Variants in B4GALT5 observed in about 807,000 individuals in gnomAD.
The protein encoded by B4GALT5 is beta-1,4-galactosyltransferase 5.
In B4GALT5, 11 loss-of-function variants were observed where a neutral mutation model predicts 45.0. That is an observed-to-expected ratio of 0.24 (90% confidence interval 0.15 to 0.40). The LOEUF (loss-of-function observed/expected upper bound fraction) is 0.40, where lower values mean the gene tolerates loss of function less well. B4GALT5 is among the 10% of genes least tolerant of loss of function. B4GALT5 has a pLI of 1.00. For missense variants in B4GALT5, 337 were observed against 500.2 expected, an observed-to-expected ratio of 0.67 and a Z score of 3.11; for synonymous variants, 185 against 182.9, an observed-to-expected ratio of 1.01 and a Z score of -0.09.
chr20:49,664,779 T>C (rs1408480982), intron 1 of B4GALT5, among the ~76,000 whole-genome samples: 1 of 152,214 alleles, frequency 6.6e-6, no homozygotes, highest in African/African-American at 2.4e-5. Flanking sequence ...TTTCGCATCA[T>C]GATGTCTACA....
chr20:49,689,787 C>T (rs1896291018), intron 1 of B4GALT5, among the ~76,000 whole-genome samples: 1 of 152,148 alleles, frequency 6.6e-6, no homozygotes, highest in South Asian at 2.1e-4. Context: ...ATCTAAATCC[C>T]TATCAAGATA....
In B4GALT5 at chr20:49,645,942, T is replaced by C. The variant is rs559742913; in HGVS notation, c.364+1023A>G. On this transcript the variant is annotated intron_variant, in intron 3 of 8. Coordinates refer to ENST00000371711, the MANE Select transcript of B4GALT5 (RefSeq NM_004776.4). ...ACGATCATGGCACACTGCAGCGTGT[T>C]GCCCAGGCCTAGGTGGGAGGGTTGT... Among the ~76,000 whole-genome samples the C allele has an allele frequency of 4.6e-5, 7 of 152,022 alleles. No homozygotes were observed. The East Asian group carries it at 1.4e-3, about 29-fold the overall frequency.
intron 1 of B4GALT5, among the ~76,000 whole-genome samples, chr20:49,678,755 T>C (rs938439407): frequency 1.3e-5 from 2 of 152,016 alleles, no homozygotes; most frequent in Non-Finnish European, 2.9e-5. Flanking sequence ...AGTACTCTCA[T>C]AGAAAAACAA....
intron 1 of B4GALT5, among the ~76,000 whole-genome samples, chr20:49,662,345 T>G (rs2085668550): frequency 6.6e-6 from 1 of 152,106 alleles, no homozygotes; most frequent in Non-Finnish European, 1.5e-5. Flanking sequence ...ACAACATATT[T>G]TAAAATTTAT....
intron 1 of B4GALT5, among the ~76,000 whole-genome samples, chr20:49,668,748 C>T (rs2085702974): frequency 1.3e-5 from 2 of 152,076 alleles, no homozygotes; most frequent in African/African-American, 4.8e-5. Context: ...TAATCTCTGT[C>T]CGTCACCGCC....
chr20:49,650,037 A>G (rs1010340272), intron 2 of B4GALT5, among the ~76,000 whole-genome samples: 1 of 152,222 alleles, frequency 6.6e-6, no homozygotes, highest in African/African-American at 2.4e-5. Flanking sequence ...TCAGGAAACT[A>G]GAATTTAAAA....
intron 1 of B4GALT5, among the ~76,000 whole-genome samples, chr20:49,674,880 C>CT (rs1555812823): frequency 6.6e-6 from 1 of 152,180 alleles, no homozygotes; most frequent in Non-Finnish European, 1.5e-5. Flanking sequence ...TAAAACCTGG[C>CT]TCCTGCCTCT....
Position 49,665,639 on chromosome 20 carries a change from C to A in B4GALT5, c.116-8937G>T, listed in dbSNP as rs1390849790. ...TAAGATGTTCCAGGACTGCCCTATACTCTAAAGATAAAGAGATACAAGTAA... is the reference window on the plus strand; with the variant it reads ...TAAGATGTTCCAGGACTGCCCTATAATCTAAAGATAAAGAGATACAAGTAA... On this transcript the variant is annotated intron_variant, in intron 1 of 8. Coordinates refer to ENST00000371711, the MANE Select transcript of B4GALT5 (RefSeq NM_004776.4). Among the ~76,000 whole-genome samples the A allele has an allele frequency of 2.0e-5, 3 of 150,562 alleles. No homozygotes were observed. In the Middle Eastern group the frequency reaches 0.01, roughly 512 times the overall value.
At chr20:49,650,825 AAAT>A (rs1279247105) in intron 2 of B4GALT5, among the ~76,000 whole-genome samples, 2 of 152,314 alleles carry the variant, frequency 1.3e-5, no homozygotes, top group East Asian at 3.9e-4. Context: ...TTGGAGTTCC[AAAT>A]ATAACTTCTT....
intron 1 of B4GALT5, among the ~76,000 whole-genome samples, chr20:49,678,970 T>C (rs1020902975): frequency 6.6e-6 from 1 of 151,920 alleles, no homozygotes; most frequent in Admixed American, 6.6e-5. Context: ...ATTAATTTAA[T>C]CCCTTGCCCA....
intron 1 of B4GALT5, among the ~76,000 whole-genome samples, chr20:49,663,690 A>AAAAAATAT (rs1555812124): frequency 6.2e-5 from 6 of 96,944 alleles, no homozygotes; most frequent in African/African-American, 2.7e-4. Context: ...AAAAAAAAAA[A>AAAAAATAT]ATATATACAT....
At position 49,693,167 on chromosome 20, in the gene B4GALT5, T is replaced by G. The variant is rs925964722; in HGVS notation, c.115+20409A>C. Among the ~76,000 whole-genome samples, 15 of 152,298 alleles carry G rather than the reference T, an allele frequency of 9.8e-5. No individual in the cohort carries two copies. The East Asian group carries it at 2.9e-3, about 29-fold the overall frequency. On this transcript the variant is annotated intron_variant, in intron 1 of 8. Coordinates refer to ENST00000371711, the MANE Select transcript of B4GALT5 (RefSeq NM_004776.4). The stretch of plus-strand genomic sequence containing the variant: ...ACAAAATAGCTTAACAACGCATTTC[T>G]CAGGATGTATCCCCATACTTATGCA...
chr20:49,669,220 T>C (rs1472857271), intron 1 of B4GALT5, among the ~76,000 whole-genome samples: 1 of 152,058 alleles, frequency 6.6e-6, no homozygotes, highest in African/African-American at 2.4e-5. Flanking sequence ...CCCCCAAGAT[T>C]AGAACTGCCT....
intron 1 of B4GALT5, among the ~76,000 whole-genome samples, chr20:49,683,385 ATTTTTTTTTTTT>A (rs66503719): frequency 4.1e-5 from 4 of 96,630 alleles, no homozygotes; most frequent in Admixed American, 1.2e-4. Context: ...ACAGGTTTAA[ATTTTTTTTTTTT>A]TTTTTTTTTT....
At chr20:49,710,050 T>G (rs2085901172) in intron 1 of B4GALT5, among the ~76,000 whole-genome samples, 1 of 152,206 alleles carries the variant, frequency 6.6e-6, no homozygotes, top group Non-Finnish European at 1.5e-5. Context: ...TAGGCTGAAA[T>G]TTTGGCTGGG....
At chr20:49,636,532 A>G in intron 8 of B4GALT5, 73 bp from the exon 9 acceptor site, 1 of 1,545,590 alleles carries the variant, frequency 6.5e-7, no homozygotes, top group South Asian at 1.1e-5. Context: ...AGGATGGAGC[A>G]GGGCGTCCCA....
intron 1 of B4GALT5, among the ~76,000 whole-genome samples, chr20:49,703,686 C>T (rs892454805): frequency 2.3e-4 from 34 of 150,978 alleles, no homozygotes; most frequent in African/African-American, 7.3e-4. Flanking sequence ...GTCAGGAGTT[C>T]GAGACCAGCC....
At position 49,636,282 on chromosome 20, in the gene B4GALT5, G is replaced by C. The variant is rs769849344; in HGVS notation, c.*30C>G. 1.9e-6 allele frequency: 3 copies of C among 1,611,578 alleles called. No individual in the cohort carries two copies. The South Asian group carries it at 3.3e-5, about 18-fold the overall frequency. On this transcript the variant is annotated 3_prime_UTR_variant, in exon 9 of 9. Transcript: ENST00000371711. The stretch of plus-strand genomic sequence containing the variant: ...TCATCGGACTGCTTTCTTGGTGGCG[G>C]TGGGTAAAGCAAACGTACATTCTCT...
At chr20:49,693,879 A>G (rs909459677) in intron 1 of B4GALT5, among the ~76,000 whole-genome samples, 3 of 152,238 alleles carry the variant, frequency 2.0e-5, no homozygotes, top group Admixed American at 6.5e-5. Context: ...CCCCAATCCC[A>G]GAAAGTGACC....
Sources: allele counts gnomAD v4.1 joint callset (sites outside exome capture counted in the v4.1 genomes callset), GRCh38; gene constraint gnomAD v4.1.1; transcripts MANE v1.5; gene names NCBI Gene and HGNC (gene_info 2026-07-23, HGNC 2026-07-21).